NALF1: variants seen among roughly 807,000 people sequenced by gnomAD.
The protein encoded by NALF1 is NALCN channel auxiliary factor 1.
Under a neutral mutation model 48.4 loss-of-function variants are expected in NALF1, and 3 were observed. That is an observed-to-expected ratio of 0.06 (90% CI 0.03 to 0.16). The LOEUF (loss-of-function observed/expected upper bound fraction) is 0.16. Among genes scored for constraint, NALF1 ranks in the 10% least tolerant of loss-of-function variants. The probability of loss-of-function intolerance (pLI) is 1.00; values close to 1 mark genes in which losing one functional copy is unlikely to be tolerated. For missense variants in NALF1, 526 were observed against 571.5 expected (o/e 0.92, Z 0.81); for synonymous variants, 262 against 245.7 (o/e 1.07, Z -0.62).
intron 1 of NALF1, among the ~76,000 whole-genome samples, chr13:107,837,139 G>A (rs978313102): frequency 2.6e-5 from 4 of 152,148 alleles, no homozygotes; most frequent in African/African-American, 9.7e-5. Flanking sequence ...AACAAAATTT[G>A]AAATGTCTCA....
intron 1 of NALF1, among the ~76,000 whole-genome samples, chr13:107,755,287 T>C (rs1199142287): frequency 6.6e-6 from 1 of 152,096 alleles, no homozygotes; most frequent in Non-Finnish European, 1.5e-5. Context: ...CTTCAAATTA[T>C]CTCCATTCAC....
chr13:107,746,150 T>C (rs1876774485), intron 1 of NALF1, among the ~76,000 whole-genome samples: 1 of 152,194 alleles, frequency 6.6e-6, no homozygotes, highest in Non-Finnish European at 1.5e-5. Context: ...AATTTATGTA[T>C]TGTTTTGTGG....
At chr13:107,542,576 C>T (rs1877026511) in intron 1 of NALF1, among the ~76,000 whole-genome samples, 1 of 151,922 alleles carries the variant, frequency 6.6e-6, no homozygotes, top group Non-Finnish European at 1.5e-5. Context: ...TTAAAAGAAC[C>T]AGACATCAAT....
intron 1 of NALF1, among the ~76,000 whole-genome samples, chr13:107,612,245 A>G (rs1482625130): frequency 3.9e-5 from 6 of 152,030 alleles, no homozygotes; most frequent in Admixed American, 3.9e-4. Context: ...CAGAGAAAAC[A>G]GAAATTTGCC....
intron 1 of NALF1, among the ~76,000 whole-genome samples, chr13:107,396,544 CTGAT>C (rs1304731442): frequency 6.6e-6 from 1 of 152,188 alleles, no homozygotes; most frequent in Non-Finnish European, 1.5e-5. Flanking sequence ...TGGCTACTGA[CTGAT>C]TATCAGGACA....
Position 107,866,738 on chromosome 13 carries a change from T to C in NALF1, c.-142A>G, listed in dbSNP as rs976746418. The stretch of plus-strand genomic sequence containing the variant: ...TCTCTCCTCTCTCTCTTTCTCTCTC[T>C]TCCCCTCTCCCTCTCTCCTCTCTCT... On this transcript the variant is annotated 5_prime_UTR_variant, in exon 1 of 3. Coordinates refer to ENST00000375915, the MANE Select transcript of NALF1 (RefSeq NM_001080396.3). The surrounding 1 kb of genome is among the most constrained non-coding windows in gnomAD (Gnocchi z 4.4). 11 of 645,296 alleles carry C rather than the reference T, an allele frequency of 1.7e-5. No individual in the cohort carries two copies. Among genetic ancestry groups the C allele is most frequent in the African/African-American group, 1.5e-4 (8 of 54,202 alleles). The allele number at this position is 645,296 out of a possible 1,614,324, so 40.0% of individuals were successfully genotyped here.
intron 1 of NALF1, among the ~76,000 whole-genome samples, chr13:107,392,651 A>G (rs1031158232): frequency 2.0e-5 from 3 of 151,806 alleles, no homozygotes; most frequent in Non-Finnish European, 4.4e-5. Flanking sequence ...GTGAGACTTA[A>G]AGTATATCAA....
intron 1 of NALF1, among the ~76,000 whole-genome samples, chr13:107,228,292 C>T (rs1444010759): frequency 6.6e-6 from 1 of 152,164 alleles, no homozygotes; most frequent in Non-Finnish European, 1.5e-5. Flanking sequence ...TCAGTGAAAT[C>T]AGGCCATGAA....
intron 1 of NALF1, among the ~76,000 whole-genome samples, chr13:107,512,146 G>A (rs1875913021): frequency 1.3e-5 from 2 of 152,210 alleles, no homozygotes; most frequent in South Asian, 2.1e-4. Flanking sequence ...TGTAATCCCA[G>A]CACTTTGGGA....
At chr13:107,298,351 C>CAAAAAAAAAAAAAAAAAAAAA (rs1192707023) in intron 1 of NALF1, among the ~76,000 whole-genome samples, 1 of 16,624 alleles carries the variant, frequency 6.0e-5, no homozygotes, top group African/African-American at 1.9e-4. Context: ...GACTCCATCT[C>CAAAAAAAAAAAAAAAAAAAAA]AAAAAAAAAA....
chr13:107,446,431 ACACAT>A (rs1474524554), intron 1 of NALF1, among the ~76,000 whole-genome samples: 5 of 150,714 alleles, frequency 3.3e-5, no homozygotes, highest in African/African-American at 1.2e-4. Flanking sequence ...ACACACACAC[ACACAT>A]ATTTTTACTA....
At chr13:107,699,704 A>C (rs1198241882) in intron 1 of NALF1, among the ~76,000 whole-genome samples, 1 of 152,186 alleles carries the variant, frequency 6.6e-6, no homozygotes, top group Non-Finnish European at 1.5e-5. Context: ...AAAGGCATCC[A>C]AATCAGAAAG....
chr13:107,331,105 T>C (rs1566487265), intron 1 of NALF1, among the ~76,000 whole-genome samples: 1 of 152,188 alleles, frequency 6.6e-6, no homozygotes, highest in Non-Finnish European at 1.5e-5. Flanking sequence ...AATATTCACT[T>C]TTTCTAAAAT....
chr13:107,383,780 GC>G (rs1883480104), intron 1 of NALF1, among the ~76,000 whole-genome samples: 1 of 152,086 alleles, frequency 6.6e-6, no homozygotes, highest in Admixed American at 6.6e-5. Flanking sequence ...TGTAATTATA[GC>G]CCAGTTTAAG....
rs554874670 is a variant in NALF1, at chr13:107,368,659, A to C, written c.916-157904T>G. Among the ~76,000 whole-genome samples the C allele has an allele frequency of 3.2e-3, 487 of 152,132 alleles. 3 individuals are homozygous for C. Among genetic ancestry groups the C allele is most frequent in the African/African-American group, 0.01 (432 of 41,500 alleles). On this transcript the variant is annotated intron_variant, in intron 1 of 2. Transcript: ENST00000375915. ...CCCTCCTCTCTGTGTCTTCTCTTCC[A>C]CCTGTGTCTCTTATAAGGACATTTG...
chr13:107,436,758 G>C (rs532656511), intron 1 of NALF1, among the ~76,000 whole-genome samples: 2 of 152,098 alleles, frequency 1.3e-5, no homozygotes, highest in Admixed American at 6.5e-5. Context: ...TTTCAAAAAA[G>C]CATAAAGTTT....
intron 1 of NALF1, among the ~76,000 whole-genome samples, chr13:107,774,555 G>A (rs1197389220): frequency 6.6e-6 from 1 of 152,152 alleles, no homozygotes; most frequent in Non-Finnish European, 1.5e-5. Context: ...TGAAATGGAG[G>A]TAAATACATT....
rs1555305738 is a variant in NALF1 at position 107,514,421 on chromosome 13, A to ATCTATC, written c.916-303667_916-303666insGATAGA. Among the ~76,000 whole-genome samples, 10 of 148,760 alleles carry ATCTATC rather than the reference A, an allele frequency of 6.7e-5. No homozygotes were observed. The South Asian group carries it at 1.1e-3, about 16-fold the overall frequency. On this transcript the variant is annotated intron_variant, in intron 1 of 2. Coordinates refer to ENST00000375915, the MANE Select transcript of NALF1 (RefSeq NM_001080396.3). ...GCCTATGATTTGAGAAGCTTCTCCT[A>ATCTATC]TATCTATCTATCTATCTATCTATCT... is the stretch of plus-strand genomic sequence containing the variant.
At chr13:107,680,824 G>A (rs555380226) in intron 1 of NALF1, among the ~76,000 whole-genome samples, 10 of 151,550 alleles carry the variant, frequency 6.6e-5, no homozygotes, top group African/African-American at 2.4e-4. Context: ...GAGTGTATGA[G>A]TGTGAATGTG....
Sources: allele counts gnomAD v4.1 joint callset (sites outside exome capture counted in the v4.1 genomes callset), GRCh38; gene constraint gnomAD v4.1.1; non-coding constraint Gnocchi (gnomAD v3.1); transcripts MANE v1.5; gene names NCBI Gene and HGNC (gene_info 2026-07-23, HGNC 2026-07-21).